Variants in DNAJC13 observed in about 807,000 individuals in gnomAD.
The protein encoded by DNAJC13 is dnaJ homolog subfamily C member 13.
A neutral mutation model predicts 290.5 loss-of-function variants in DNAJC13; 75 were observed. The observed-to-expected ratio is 0.26, with a 90% confidence interval of 0.21 to 0.31. The LOEUF is 0.31. Among genes scored for constraint, DNAJC13 ranks in the 10% least tolerant of loss-of-function variants. DNAJC13 has a pLI of 1.00. For synonymous variants in DNAJC13, 862 were observed against 892.0 expected, an observed-to-expected ratio of 0.97 and a Z score of 0.60; for missense variants, 2,260 against 2,674.5, an observed-to-expected ratio of 0.85 and a Z score of 3.42.
chr3:132,505,424 T>C lies in DNAJC13; in HGVS notation c.4998+9T>C, dbSNP rs1156451225. 2.0e-6 allele frequency: 3 copies of C among 1,532,646 alleles called. No individual in the cohort carries two copies. The highest frequency in any genetic ancestry group is 2.3e-5 in the South Asian group (2 of 87,748). The allele number at this position is 1,532,646 out of a possible 1,614,324, so 94.9% of individuals were successfully genotyped here. On this transcript the variant is annotated intron_variant, in intron 42 of 55. Coordinates refer to ENST00000260818, the MANE Select transcript of DNAJC13 (RefSeq NM_015268.4). ...AAAACATGATTAAAAAAGTATGTTATTGTTTTATAAATTTCTTGGGTAATT... is the reference window on the plus strand; with the variant it reads ...AAAACATGATTAAAAAAGTATGTTACTGTTTTATAAATTTCTTGGGTAATT...
chr3:132,433,029 TATAGA>T (rs1939282155), intron 1 of DNAJC13, among the ~76,000 whole-genome samples: 1 of 152,236 alleles, frequency 6.6e-6, no homozygotes, highest in South Asian at 2.1e-4. Flanking sequence ...ATAATTTTCT[TATAGA>T]ATAATTACAT....
chr3:132,497,356 C>T (rs1200300563), intron 36 of DNAJC13, among the ~76,000 whole-genome samples: 1 of 152,140 alleles, frequency 6.6e-6, no homozygotes, highest in Admixed American at 6.5e-5. Context: ...TGCCCAATGG[C>T]TTGGGAACTG....
chr3:132,509,112 T>G (rs572336383), intron 43 of DNAJC13, among the ~76,000 whole-genome samples: 3 of 152,244 alleles, frequency 2.0e-5, no homozygotes, highest in Non-Finnish European at 4.4e-5. Context: ...AGATAGTGAT[T>G]CCTCTAATGG....
chr3:132,492,418 C>T lies in DNAJC13; in HGVS notation c.3628C>T (p.Leu1210=), dbSNP rs747341582. The change falls in exon 33 of 56, where the codon CTG becomes TTG. Residue 1210 remains leucine (L), a synonymous_variant. Transcript: ENST00000260818. ...TGGAGGTTTTTATGATTGTAGGCGC[C>T]TGATGATAGAGAAGATTGCTGCCCA... is the stretch of plus-strand genomic sequence containing the variant. The part of the protein sequence containing the change: ...EAIWSSEMRR[L]MIEKIAAHLA... The T allele has an allele frequency of 6.2e-7, 1 of 1,613,678 alleles. No homozygotes were observed. Among genetic ancestry groups the T allele is most frequent in the African/African-American group, 1.3e-5 (1 of 74,982 alleles).
At chr3:132,483,661 AG>A in intron 28 of DNAJC13, 84 bp downstream of exon 28, 1 of 1,369,542 alleles carries the variant, frequency 7.3e-7, no homozygotes, top group Non-Finnish European at 1.0e-6. Flanking sequence ...TTTAAAACAA[AG>A]ATGTCCTATT....
intron 2 of DNAJC13, among the ~76,000 whole-genome samples, chr3:132,445,344 T>A (rs1405231094): frequency 1.3e-5 from 2 of 152,302 alleles, no homozygotes; most frequent in African/African-American, 4.8e-5. Flanking sequence ...AGTGTTTACC[T>A]AATTGGTCAC....
At chr3:132,516,288 C>T in intron 46 of DNAJC13, 134 bp from the exon 47 acceptor site, 2 of 803,640 alleles carry the variant, frequency 2.5e-6, no homozygotes, top group Non-Finnish European at 4.0e-6. Flanking sequence ...AAATACCTGT[C>T]TCACTGGTTA....
At chr3:132,509,320 G>C (rs935664129) in intron 43 of DNAJC13, among the ~76,000 whole-genome samples, 2 of 152,212 alleles carry the variant, frequency 1.3e-5, no homozygotes, top group Non-Finnish European at 2.9e-5. Flanking sequence ...GCTGGAACTA[G>C]CAAGAGAGCT....
chr3:132,454,025 A>G (rs751769772), intron 8 of DNAJC13, 41 bp from the exon 9 acceptor site: 1 of 1,441,760 alleles, frequency 6.9e-7, no homozygotes, highest in South Asian at 1.3e-5. Flanking sequence ...ATAAAACTAT[A>G]AACTTTTTTT....
intron 1 of DNAJC13, among the ~76,000 whole-genome samples, chr3:132,423,427 C>G (rs1213148665): frequency 6.6e-6 from 1 of 152,176 alleles, no homozygotes; most frequent in Non-Finnish European, 1.5e-5. Context: ...ATGGTGTTCT[C>G]ACTTTTATTG....
intron 1 of DNAJC13, among the ~76,000 whole-genome samples, chr3:132,427,627 GA>G (rs1939133989): frequency 6.6e-6 from 1 of 152,106 alleles, no homozygotes; most frequent in African/African-American, 2.4e-5. Flanking sequence ...CTGTACTTTT[GA>G]AGGTGAACAT....
Position 132,491,040 on chromosome 3 carries a change from C to T in DNAJC13, c.3612C>T (p.Ser1204=). The change falls in exon 32 of 56, where the codon AGC becomes AGT. Residue 1204 remains serine (S), a synonymous_variant. Transcript: ENST00000260818. ...GEFDTPEAIW[S]SEMRRLMIEK... ...TTGATACTCCAGAAGCAATCTGGAGCAGTGAAATGAGGTAAATAACCAGTT... is the reference window on the plus strand; with the variant it reads ...TTGATACTCCAGAAGCAATCTGGAGTAGTGAAATGAGGTAAATAACCAGTT... 4 of 1,601,682 alleles carry T rather than the reference C, an allele frequency of 2.5e-6. No homozygotes were observed. Among genetic ancestry groups the T allele is most frequent in the Non-Finnish European group, 3.4e-6 (4 of 1,176,132 alleles).
At chr3:132,479,397 C>T in intron 25 of DNAJC13, 108 bp downstream of exon 25, 1 of 743,334 alleles carries the variant, frequency 1.3e-6, no homozygotes, top group Non-Finnish European at 2.3e-6. Context: ...TCTGTCTTCT[C>T]CTTTTTAGAC....
chr3:132,426,790 GTTT>G (rs530296305), intron 1 of DNAJC13, among the ~76,000 whole-genome samples: 4 of 148,582 alleles, frequency 2.7e-5, no homozygotes, highest in African/African-American at 2.5e-5. Flanking sequence ...ATTTTGTGAA[GTTT>G]TTTTTTTCTT....
rs576281542 is a variant in DNAJC13, at chr3:132,473,551, A to G, written c.2291+324A>G. 6.6e-5 allele frequency among the ~76,000 whole-genome samples: 10 copies of G among 152,338 alleles called. No homozygotes were observed. In the South Asian group the frequency reaches 1.9e-3, roughly 28 times the overall value. On this transcript the variant is annotated intron_variant, in intron 21 of 55. Transcript: ENST00000260818. ...GGAAATGGAGTCTTAAAAGAGGCAGATGATAACATAAGACTTGTGAGAAGT... is the reference window on the plus strand; with the variant it reads ...GGAAATGGAGTCTTAAAAGAGGCAGGTGATAACATAAGACTTGTGAGAAGT...
chr3:132,522,918 A>G lies in DNAJC13; in HGVS notation c.5764A>G (p.Thr1922Ala). 1 of 1,613,674 alleles carries G rather than the reference A, an allele frequency of 6.2e-7. No individual in the cohort carries two copies. Residue 1922 changes from threonine to alanine, a missense_variant, in exon 49 of 56, where the codon ACT becomes GCT. This residue lies in a region of DNAJC13 where 1,494 missense variants were observed against 1,693.7 expected (regional missense o/e 0.88). Coordinates refer to ENST00000260818, the MANE Select transcript of DNAJC13 (RefSeq NM_015268.4). ...AGCTGCTGTACATATTTTTGAAGGA[A>G]CTCATGAAAATCCTGAGTTAATTTG... ...PEAAVHIFEGTHENPELIWND... is the reference protein window; with the variant it reads ...PEAAVHIFEGAHENPELIWND...
In DNAJC13 at chr3:132,428,378, T is replaced by G. The variant is rs74799984; in HGVS notation, c.-13-6160T>G. ...GATTTTACTGAGAATGTAAAATAGA[T>G]TTACCTGAAAATGTGGATAGGCTAA... On this transcript the variant is annotated intron_variant, in intron 1 of 55. Coordinates refer to ENST00000260818, the MANE Select transcript of DNAJC13 (RefSeq NM_015268.4). Among the ~76,000 whole-genome samples, 187 of 152,330 alleles carry G rather than the reference T, an allele frequency of 1.2e-3. 1 individual carries two copies. The East Asian group carries it at 0.031, about 25-fold the overall frequency.
rs73860736 is a variant in DNAJC13, at chr3:132,457,413, C to G, written c.1449+45C>G. On this transcript the variant is annotated intron_variant, in intron 13 of 55. Transcript: ENST00000260818. ...AGGAAACTGGTTTTTCTTAAGTTGA[C>G]TGGTGGTTTTGATTTCCACAGTCCC... is the stretch of plus-strand genomic sequence containing the variant. 0.011 allele frequency: 16,201 copies of G among 1,497,612 alleles called. 521 individuals carry two copies. The African/African-American group carries it at 0.11, about 10-fold the overall frequency. The allele number at this position is 1,497,612 out of a possible 1,614,324, so 92.8% of individuals were successfully genotyped here. A position where few individuals can be genotyped will look rare whatever the true frequency, so the allele number is the denominator to read the frequency against.
chr3:132,532,807 A>C (rs1399666810), intron 55 of DNAJC13, among the ~76,000 whole-genome samples: 1 of 147,636 alleles, frequency 6.8e-6, no homozygotes, highest in African/African-American at 2.5e-5. Context: ...GTGCGACCTC[A>C]GCTCACTGCA....
Sources: gnomAD v4.1 joint callset for allele counts (sites outside exome capture counted in the v4.1 genomes callset) on GRCh38, gnomAD v4.1.1 for gene constraint, gnomAD v4.1.1 regional missense constraint, MANE v1.5 for transcripts, NCBI Gene and HGNC (gene_info 2026-07-23, HGNC 2026-07-21) for gene names.